LEO1: variants seen among roughly 807,000 people sequenced by gnomAD.
LEO1 encodes the protein RNA polymerase-associated protein LEO1.
A neutral mutation model predicts 80.4 loss-of-function variants in LEO1; 34 were observed. The ratio of observed to expected loss-of-function variants is 0.42; its 90% confidence interval spans 0.32 to 0.56. The LOEUF (loss-of-function observed/expected upper bound fraction) is 0.56, where lower values mean the gene tolerates loss of function less well. Ranked by LOEUF, LEO1 falls within the 20% of genes least tolerant of loss-of-function variation. LEO1 has a pLI of 0.10. For synonymous variants in LEO1, 262 were observed against 274.9 expected (o/e 0.95, Z 0.46); for missense variants, 631 against 814.2 (o/e 0.77, Z 2.74).
At chr15:51,960,212 C>T (rs530428859) in intron 4 of LEO1, among the ~76,000 whole-genome samples, 168 bp from the exon 5 acceptor site, 99 of 152,252 alleles carry the variant, frequency 6.5e-4, no homozygotes, top group African/African-American at 2.4e-3. Context: ...AAATGGGAAA[C>T]GATCAATTTG....
chr15:51,956,339 G>C (rs2056988888), intron 6 of LEO1, among the ~76,000 whole-genome samples: 1 of 147,394 alleles, frequency 6.8e-6, no homozygotes, highest in African/African-American at 2.5e-5. Flanking sequence ...AGAATTGCTT[G>C]AACCCGGGAG....
chr15:51,954,424 TTGATCCC>T, intron 7 of LEO1, 50 bp downstream of exon 7: 1 of 997,480 alleles, frequency 1.0e-6, no homozygotes, highest in Non-Finnish European at 1.6e-6. Context: ...ATTTCAAAAC[TTGATCCC>T]TCTGACCCGT....
At chr15:51,955,536 G>A (rs2056982524) in intron 6 of LEO1, among the ~76,000 whole-genome samples, 1 of 152,186 alleles carries the variant, frequency 6.6e-6, no homozygotes, top group Non-Finnish European at 1.5e-5. Flanking sequence ...AACGCATGCA[G>A]TTTATCACTG....
chr15:51,954,284 AG>A (rs1473348639), intron 7 of LEO1, among the ~76,000 whole-genome samples, 196 bp downstream of exon 7: 1 of 151,278 alleles, frequency 6.6e-6, no homozygotes, highest in Non-Finnish European at 1.5e-5. Flanking sequence ...GCTACTTGGG[AG>A]ATGGGAGGAT....
At chr15:51,952,116 A>C (rs549417824) in intron 8 of LEO1, 137 bp from the exon 9 acceptor site, 17 of 604,778 alleles carry the variant, frequency 2.8e-5, no homozygotes, top group Non-Finnish European at 4.4e-5. Flanking sequence ...ACTCGACTGA[A>C]TATACCAAGG....
At position 51,953,077 on chromosome 15, in the gene LEO1, T is replaced by C. The variant is rs574305453; in HGVS notation, c.1475+52A>G. On this transcript the variant is annotated intron_variant, in intron 8 of 11. Transcript: ENST00000299601. ...GTGGCAGGCATTACAGAAACATCTA[T>C]GTTTCACTGCTTTTACCATAAGAAA... 2.8e-5 allele frequency: 42 copies of C among 1,504,882 alleles called. 1 individual carries two copies. The highest frequency in any genetic ancestry group is 1.1e-4 in the Admixed American group (6 of 55,726). 93.2% of individuals were successfully genotyped at this position (1,504,882 alleles called of 1,614,324 possible). A position where few individuals can be genotyped will look rare whatever the true frequency, so the allele number is the denominator to read the frequency against.
chr15:51,954,624 A>G (rs778516987), intron 6 of LEO1, 49 bp from the exon 7 acceptor site: 4 of 1,244,634 alleles, frequency 3.2e-6, no homozygotes, highest in Non-Finnish European at 4.7e-6. Flanking sequence ...AAATGACTCT[A>G]TGCATCTTGT....
chr15:51,966,766 C>G lies in LEO1; in HGVS notation c.59-262G>C, dbSNP rs540936248. Among the ~76,000 whole-genome samples the G allele has an allele frequency of 7.9e-5, 12 of 152,030 alleles. No individual in the cohort carries two copies. The East Asian group carries it at 2.3e-3, about 29-fold the overall frequency. ...TCTCTACTAAAAATACAAAATTTAG[C>G]CAGGCATGGTTGCACATGCCTGTAA... On this transcript the variant is annotated intron_variant, in intron 1 of 11. Coordinates refer to ENST00000299601, the MANE Select transcript of LEO1 (RefSeq NM_138792.4).
At chr15:51,971,499 G>A (rs1048880764) in intron 1 of LEO1, among the ~76,000 whole-genome samples, 189 bp downstream of exon 1, 3 of 152,196 alleles carry the variant, frequency 2.0e-5, no homozygotes, top group African/African-American at 7.2e-5. Context: ...AGAGCCTCGA[G>A]GCGCAGACTG....
chr15:51,965,921 A>C lies in LEO1; in HGVS notation c.642T>G (p.Asp214Glu), dbSNP rs151065984. ...CATTATCAGAAGCTACCGGCCGTTC[A>C]TCATCAGAATTAGCCTTTTCCTCCT... Reference protein sequence around the residue: ...LSEEEKANSDDERPVASDNDD... With the variant: ...LSEEEKANSDEERPVASDNDD... The change falls in exon 2 of 12, where the codon GAT (aspartate) becomes GAG (glutamate). Residue 214 changes from aspartate to glutamate, a missense_variant. By Grantham distance (45) the Asp-to-Glu change is conservative. Transcript: ENST00000299601. 4 of 1,614,046 alleles carry C rather than the reference A, an allele frequency of 2.5e-6. No homozygotes were observed. The Admixed American group carries it at 6.7e-5, about 27-fold the overall frequency.
chr15:51,961,900 GCC>G (rs901743255), intron 3 of LEO1, among the ~76,000 whole-genome samples: 5 of 151,254 alleles, frequency 3.3e-5, no homozygotes, highest in African/African-American at 1.2e-4. Flanking sequence ...AGTGATTCAC[GCC>G]TGTAATCCCA....
intron 6 of LEO1, among the ~76,000 whole-genome samples, chr15:51,955,529 G>A (rs915883255): frequency 2.6e-5 from 4 of 152,118 alleles, no homozygotes; most frequent in African/African-American, 7.2e-5. Context: ...CATACTAAAC[G>A]CATGCAGTTT....
chr15:51,960,497 A>G (rs2057021418), intron 4 of LEO1, 142 bp downstream of exon 4: 1 of 610,178 alleles, frequency 1.6e-6, no homozygotes, highest in African/African-American at 1.9e-5. Flanking sequence ...AGAGTTCCCT[A>G]CATAATGAAG....
intron 11 of LEO1, among the ~76,000 whole-genome samples, chr15:51,944,407 T>TGAAA (rs1185096203): frequency 6.6e-6 from 1 of 151,998 alleles, no homozygotes; most frequent in Admixed American, 6.6e-5. Flanking sequence ...GCACAACCAC[T>TGAAA]GAAAATGTTT....
At chr15:51,941,088 C>CAAATAAAT (rs71426099) in intron 11 of LEO1, among the ~76,000 whole-genome samples, 68 of 151,018 alleles carry the variant, frequency 4.5e-4, no homozygotes, top group African/African-American at 1.2e-3. Context: ...AACAAACAAA[C>CAAATAAAT]AAATAAATAA....
chr15:51,940,608 C>T (rs1595927480), intron 11 of LEO1, among the ~76,000 whole-genome samples: 1 of 151,526 alleles, frequency 6.6e-6, no homozygotes, highest in East Asian at 1.9e-4. Context: ...GGCAGCTACA[C>T]ATAAGCACAG....
chr15:51,960,054 G>T lies in LEO1; in HGVS notation c.1015-10C>A. 1 of 1,607,912 alleles carries T rather than the reference G, an allele frequency of 6.2e-7. No homozygotes were observed. Among genetic ancestry groups the T allele is most frequent in the Non-Finnish European group, 8.5e-7 (1 of 1,178,076 alleles). On this transcript the variant is annotated splice_polypyrimidine_tract_variant and intron_variant, in intron 4 of 11. Coordinates refer to ENST00000299601, the MANE Select transcript of LEO1 (RefSeq NM_138792.4). ...GCAATCCATTTTCATCCTAGTGAAAGAATCGGAAGTTTGGAGCTTGACAGG... is the reference window on the plus strand; with the variant it reads ...GCAATCCATTTTCATCCTAGTGAAATAATCGGAAGTTTGGAGCTTGACAGG...
At chr15:51,940,115 C>T (rs763616763) in intron 11 of LEO1, among the ~76,000 whole-genome samples, 4 of 151,608 alleles carry the variant, frequency 2.6e-5, no homozygotes, top group East Asian at 1.9e-4. Flanking sequence ...ATTAGCCAGG[C>T]GTGGTGGCGC....
chr15:51,949,999 A>G lies in LEO1; in HGVS notation c.1612-5T>C. The G allele has an allele frequency of 6.2e-7, 1 of 1,607,122 alleles. No homozygotes were observed. Among genetic ancestry groups the G allele is most frequent in the Non-Finnish European group, 8.5e-7 (1 of 1,177,696 alleles). Reference sequence around the variant, plus strand: ...CCTCAAACGTTCTTCTTCTTTCTGTAAAGAAGCAAATAACCTCTTTAACCT... The same window carrying G: ...CCTCAAACGTTCTTCTTCTTTCTGTGAAGAAGCAAATAACCTCTTTAACCT... On this transcript the variant is annotated splice_region_variant and splice_polypyrimidine_tract_variant and intron_variant, in intron 9 of 11. Coordinates refer to ENST00000299601, the MANE Select transcript of LEO1 (RefSeq NM_138792.4).
Sources: gnomAD v4.1 joint callset for allele counts (sites outside exome capture counted in the v4.1 genomes callset) on GRCh38, gnomAD v4.1.1 for gene constraint, MANE v1.5 for transcripts, NCBI Gene and HGNC (gene_info 2026-07-23, HGNC 2026-07-21) for gene names.